MAP4K3: variants seen among roughly 807,000 people sequenced by gnomAD.
The protein encoded by MAP4K3 is MAPK/ERK kinase kinase kinase 3.
A neutral mutation model predicts 143.5 loss-of-function variants in MAP4K3; 94 were observed. That is an observed-to-expected ratio of 0.65 (90% CI 0.55 to 0.78). The LOEUF (loss-of-function observed/expected upper bound fraction) is 0.78. Among genes scored for constraint, MAP4K3 ranks in the 30% least tolerant of loss-of-function variants. The pLI, the probability that MAP4K3 is intolerant of heterozygous loss-of-function variation, is 0.00. For synonymous variants in MAP4K3, 416 were observed against 347.2 expected (o/e 1.20, Z -2.20); for missense variants, 1,077 against 1,068.1 (o/e 1.01, Z -0.12).
chr2:39,362,744 A>G (rs1231770842), intron 2 of MAP4K3, among the ~76,000 whole-genome samples: 2 of 152,244 alleles, frequency 1.3e-5, no homozygotes, highest in Non-Finnish European at 2.9e-5. Flanking sequence ...AGCCAAAACA[A>G]TCTTGAGAAA....
chr2:39,357,250 T>C (rs749547359), intron 2 of MAP4K3, among the ~76,000 whole-genome samples: 32 of 152,212 alleles, frequency 2.1e-4, no homozygotes, highest in Non-Finnish European at 4.3e-4. Flanking sequence ...CCAGAGACTA[T>C]GCAGAAAGAG....
chr2:39,290,256 C>T (rs756943024), intron 19 of MAP4K3, 36 bp downstream of exon 19: 1 of 1,527,070 alleles, frequency 6.5e-7, no homozygotes, highest in East Asian at 2.3e-5. Flanking sequence ...AGAACAATAA[C>T]ACACATATAT....
intron 13 of MAP4K3, among the ~76,000 whole-genome samples, chr2:39,313,040 AG>A (rs1278951136): frequency 6.6e-6 from 1 of 152,194 alleles, no homozygotes; most frequent in Non-Finnish European, 1.5e-5. Flanking sequence ...ATTTCCAGAA[AG>A]GGAGCAAAGT....
In MAP4K3 at chr2:39,315,403, A is replaced by C; in HGVS notation, c.919-15T>G. Reference sequence around the variant, plus strand: ...GCAACAAGAGGCTAGAAAAGAACAAAATCAATGATATGCAGCATTTGATAA... The same window carrying C: ...GCAACAAGAGGCTAGAAAAGAACAACATCAATGATATGCAGCATTTGATAA... On this transcript the variant is annotated splice_polypyrimidine_tract_variant and intron_variant, in intron 12 of 33. Transcript: ENST00000263881. 6.5e-7 allele frequency: 1 copy of C among 1,538,956 alleles called. No individual in the cohort carries two copies. Among genetic ancestry groups the C allele is most frequent in the East Asian group, 2.3e-5 (1 of 44,406 alleles).
intron 28 of MAP4K3, 38 bp from the exon 29 acceptor site, chr2:39,260,815 A>C (rs1167870992): frequency 1.4e-6 from 2 of 1,393,198 alleles, no homozygotes; most frequent in South Asian, 2.5e-5. Context: ...ACCAAGGAAA[A>C]TAAAAACCGA....
intron 2 of MAP4K3, among the ~76,000 whole-genome samples, chr2:39,359,921 G>A (rs1573196145): frequency 6.6e-6 from 1 of 152,258 alleles, no homozygotes; most frequent in Non-Finnish European, 1.5e-5. Flanking sequence ...CTCCAGGGCT[G>A]TGATGGGAGG....
intron 1 of MAP4K3, among the ~76,000 whole-genome samples, chr2:39,388,986 CA>C (rs1666581595): frequency 6.6e-6 from 1 of 152,040 alleles, no homozygotes; most frequent in Non-Finnish European, 1.5e-5. Context: ...AAAACCAAAT[CA>C]AATCCATAGA....
At chr2:39,258,252 A>G in intron 31 of MAP4K3, 96 bp downstream of exon 31, 1 of 912,720 alleles carries the variant, frequency 1.1e-6, no homozygotes, top group Non-Finnish European at 1.7e-6. Context: ...TTTTAAAAAA[A>G]GAATCTTAAT....
chr2:39,325,421 A>T, intron 12 of MAP4K3, 97 bp downstream of exon 12: 2 of 719,156 alleles, frequency 2.8e-6, no homozygotes, highest in Non-Finnish European at 4.4e-6. Context: ...CTAGGCCCCA[A>T]AATTAAAAAA....
chr2:39,286,823 A>G, intron 21 of MAP4K3, 29 bp downstream of exon 21: 1 of 1,428,408 alleles, frequency 7.0e-7, no homozygotes, highest in Non-Finnish European at 9.6e-7. Context: ...AAACAAATAC[A>G]AGTAGAACTT....
chr2:39,286,219 A>T (rs1371287914), intron 21 of MAP4K3, among the ~76,000 whole-genome samples: 1 of 152,220 alleles, frequency 6.6e-6, no homozygotes, highest in Non-Finnish European at 1.5e-5. Flanking sequence ...GCAGCGTGCA[A>T]CCTAGATCCC....
chr2:39,331,836 T>C (rs1683691091), intron 8 of MAP4K3, 81 bp downstream of exon 8: 2 of 917,486 alleles, frequency 2.2e-6, no homozygotes, highest in African/African-American at 1.7e-5. Flanking sequence ...GTCTGAAAAA[T>C]TCTGACCAGT....
At chr2:39,290,797 G>A (rs975155533) in intron 18 of MAP4K3, among the ~76,000 whole-genome samples, 5 of 152,168 alleles carry the variant, frequency 3.3e-5, no homozygotes, top group Non-Finnish European at 5.9e-5. Flanking sequence ...CGGGCCGGGC[G>A]TGGTGGCTCA....
chr2:39,333,180 T>C (rs946841339), intron 7 of MAP4K3, among the ~76,000 whole-genome samples: 1 of 152,136 alleles, frequency 6.6e-6, no homozygotes, highest in African/African-American at 2.4e-5. Flanking sequence ...ATAAAGTGTT[T>C]TTGGAGTTAC....
intron 2 of MAP4K3, among the ~76,000 whole-genome samples, chr2:39,369,169 G>C (rs542223435): frequency 3.4e-5 from 5 of 146,298 alleles, no homozygotes; most frequent in Admixed American, 1.4e-4. Context: ...TGTTTTACAG[G>C]GTAAAATCTA....
At chr2:39,349,861 A>C (rs1665402734) in intron 3 of MAP4K3, among the ~76,000 whole-genome samples, 3 of 152,190 alleles carry the variant, frequency 2.0e-5, no homozygotes, top group South Asian at 4.1e-4. Flanking sequence ...TTTTTACAAA[A>C]TACATATTTG....
intron 32 of MAP4K3, among the ~76,000 whole-genome samples, chr2:39,253,847 C>T (rs866437280): frequency 3.9e-5 from 6 of 152,094 alleles, no homozygotes; most frequent in Non-Finnish European, 7.3e-5. Context: ...CAGAACTTTC[C>T]GGCATAAATG....
intron 12 of MAP4K3, among the ~76,000 whole-genome samples, chr2:39,317,397 C>T (rs889202576): frequency 1.3e-5 from 2 of 151,792 alleles, no homozygotes; most frequent in Admixed American, 1.3e-4. Context: ...GCCACAAAAC[C>T]AAAAATTGAC....
intron 2 of MAP4K3, among the ~76,000 whole-genome samples, chr2:39,368,277 G>C (rs1488463298): frequency 5.9e-5 from 9 of 152,168 alleles, no homozygotes; most frequent in African/African-American, 1.4e-4. Flanking sequence ...AGGAAAAATA[G>C]AGCACGGTGT....
Sources: gnomAD v4.1 joint callset for allele counts (sites outside exome capture counted in the v4.1 genomes callset) on GRCh38, gnomAD v4.1.1 for gene constraint, MANE v1.5 for transcripts, NCBI Gene and HGNC (gene_info 2026-07-23, HGNC 2026-07-21) for gene names.